ZNF385D: variants seen among roughly 807,000 people sequenced by gnomAD.
The protein encoded by ZNF385D is zinc finger protein 385D.
In ZNF385D, 15 loss-of-function variants were observed where a neutral mutation model predicts 35.8. The observed-to-expected ratio is 0.42, with a 90% CI of 0.28 to 0.64. The LOEUF (loss-of-function observed/expected upper bound fraction) is 0.64. ZNF385D is among the 30% of genes least tolerant of loss of function. The pLI is 0.23. For synonymous variants in ZNF385D, 212 were observed against 186.8 expected (o/e 1.13, Z -1.10); for missense variants, 474 against 494.6 (o/e 0.96, Z 0.39).
chr3:21,551,147 A>G (rs2062554562), intron 3 of ZNF385D, among the ~76,000 whole-genome samples: 2 of 152,206 alleles, frequency 1.3e-5, no homozygotes, highest in Admixed American at 6.5e-5. Context: ...CCTTCCAGTT[A>G]GTTCCATGAG....
chr3:22,040,774 CAG>C (rs1490455231), intron 3 of ZNF385D, among the ~76,000 whole-genome samples: 1 of 151,998 alleles, frequency 6.6e-6, no homozygotes, highest in East Asian at 1.9e-4. Flanking sequence ...CTGATAGAAT[CAG>C]AATTTCAAAT....
In ZNF385D at chr3:22,314,376, G is replaced by T. The variant is rs140605009; in HGVS notation, c.106+58074C>A. 5.3e-3 allele frequency among the ~76,000 whole-genome samples: 803 copies of T among 152,166 alleles called. 7 individuals are homozygous for T. Among genetic ancestry groups the T allele is most frequent in the Non-Finnish European group, 6.6e-3 (446 of 67,986 alleles). Reference sequence around the variant, plus strand: ...TTATGAGTGAGAACATTTGATGTTTGGTTTTCCATTCCTGAGTTACTTCAT... The same window carrying T: ...TTATGAGTGAGAACATTTGATGTTTTGTTTTCCATTCCTGAGTTACTTCAT... On this transcript the variant is annotated intron_variant, in intron 2 of 5. Coordinates refer to the ZNF385D transcript ENST00000494108.
At chr3:21,570,636 C>T (rs1048186189) in intron 2 of ZNF385D, among the ~76,000 whole-genome samples, 16 of 152,232 alleles carry the variant, frequency 1.1e-4, no homozygotes, top group Middle Eastern at 3.4e-3. Context: ...CACTTACAGG[C>T]ACTTTCTGTG....
chr3:21,750,895 CA>C lies in ZNF385D; in HGVS notation c.21del (p.Phe7LeufsTer57). The C allele has an allele frequency of 6.2e-7, 1 of 1,614,152 alleles. No homozygotes were observed. Among genetic ancestry groups the C allele is most frequent in the Non-Finnish European group, 8.5e-7 (1 of 1,180,020 alleles). Reference protein sequence around the residue: MRNIMYFGGTCQSPALP... With the variant: MRNIMYXGGTCQSPALP... ...TTACATCATCAGAGTGAACACTCACCAAAATACATTATGTTTCTCATTAATC... is the reference window on the plus strand; with the variant it reads ...TTACATCATCAGAGTGAACACTCACCAAATACATTATGTTTCTCATTAATC... On this transcript the variant is annotated frameshift_variant and splice_region_variant, in exon 1 of 8. Transcript: ENST00000281523. LOFTEE classifies it high-confidence loss of function.
intron 2 of ZNF385D, among the ~76,000 whole-genome samples, chr3:21,621,905 A>C (rs548623034): frequency 1.2e-4 from 18 of 149,856 alleles, no homozygotes; most frequent in Admixed American, 1.0e-3. Flanking sequence ...GCGTGCACGC[A>C]CGTGTGTGCT....
chr3:22,309,860 C>A (rs1210826717), intron 2 of ZNF385D, among the ~76,000 whole-genome samples: 2 of 151,854 alleles, frequency 1.3e-5, no homozygotes, highest in African/African-American at 4.8e-5. Context: ...AAAAAGGTAA[C>A]AATGGCCAGT....
At chr3:22,122,735 G>C (rs910722653) in intron 3 of ZNF385D, among the ~76,000 whole-genome samples, 1 of 152,180 alleles carries the variant, frequency 6.6e-6, no homozygotes, top group Non-Finnish European at 1.5e-5. Flanking sequence ...AAGGCCTACT[G>C]AGACGGTGAC....
At chr3:22,190,931 A>G (rs907627986) in intron 2 of ZNF385D, among the ~76,000 whole-genome samples, 16 of 152,154 alleles carry the variant, frequency 1.1e-4, no homozygotes, top group Admixed American at 2.0e-4. Context: ...AAAATCATCT[A>G]TGAAAAGTAC....
At chr3:21,903,437 C>T (rs573909201) in intron 3 of ZNF385D, among the ~76,000 whole-genome samples, 5 of 152,244 alleles carry the variant, frequency 3.3e-5, no homozygotes, top group Admixed American at 6.5e-5. Context: ...AAAAGATCTT[C>T]GGAGTCTCTG....
chr3:22,228,592 T>C (rs955500534), intron 2 of ZNF385D, among the ~76,000 whole-genome samples: 1 of 152,206 alleles, frequency 6.6e-6, no homozygotes, highest in Non-Finnish European at 1.5e-5. Context: ...AAGCACATCC[T>C]TGTCATCTGT....
In ZNF385D at chr3:22,020,872, T is replaced by A. The variant is rs549066162; in HGVS notation, c.325+147945A>T. On this transcript the variant is annotated intron_variant, in intron 3 of 5. Coordinates refer to the ZNF385D transcript ENST00000494108. ...CACAACAGCAAAGATATGGAATCAATCTAAGTGTCCATGAACAGGTCATTA... is the reference window on the plus strand; with the variant it reads ...CACAACAGCAAAGATATGGAATCAAACTAAGTGTCCATGAACAGGTCATTA... Among the ~76,000 whole-genome samples the A allele has an allele frequency of 5.3e-5, 8 of 152,070 alleles. No homozygotes were observed. The South Asian group carries it at 1.7e-3, about 31-fold the overall frequency.
At chr3:21,808,286 T>C (rs763605014) in intron 3 of ZNF385D, among the ~76,000 whole-genome samples, 6 of 152,194 alleles carry the variant, frequency 3.9e-5, no homozygotes, top group Non-Finnish European at 8.8e-5. Context: ...AAAGTCCCCT[T>C]CTAACACACA....
chr3:21,940,169 G>T (rs640225), intron 3 of ZNF385D, among the ~76,000 whole-genome samples: 111,870 of 151,976 alleles, frequency 0.74, 44,049 homozygotes, highest in East Asian at 0.98. Flanking sequence ...AACTATGACG[G>T]TGTCTACTGA....
chr3:21,548,894 A>C (rs1575152847), intron 3 of ZNF385D, among the ~76,000 whole-genome samples: 1 of 152,254 alleles, frequency 6.6e-6, no homozygotes, highest in South Asian at 2.1e-4. Context: ...AAGTCAACTA[A>C]ATATTTTGGT....
At chr3:21,669,382 C>T (rs760066533) in intron 1 of ZNF385D, among the ~76,000 whole-genome samples, 1 of 151,892 alleles carries the variant, frequency 6.6e-6, no homozygotes, top group South Asian at 2.1e-4. Context: ...GTTTCAAATG[C>T]GAACTATAGA....
intron 2 of ZNF385D, among the ~76,000 whole-genome samples, chr3:22,259,083 A>T (rs1212131450): frequency 1.3e-5 from 2 of 151,950 alleles, no homozygotes; most frequent in Non-Finnish European, 2.9e-5. Flanking sequence ...AACTATTTTA[A>T]ATTGGGCTAC....
At position 21,914,399 on chromosome 3, in the gene ZNF385D, T is replaced by G. The variant is rs1054956361; in HGVS notation, c.326-249371A>C. ...TGTTTGACTTTTTTTTTTTTTTTTT[T>G]GGTCTTATCTCTTTTTTTCAAATAT... is the stretch of plus-strand genomic sequence containing the variant. On this transcript the variant is annotated intron_variant, in intron 3 of 5. Coordinates refer to the ZNF385D transcript ENST00000494108. Among the ~76,000 whole-genome samples, 15 of 113,712 alleles carry G rather than the reference T, an allele frequency of 1.3e-4. No individual in the cohort carries two copies. In the East Asian group the frequency reaches 3.6e-3, roughly 28 times the overall value. The allele number at this position is 113,712 out of a possible 152,430, so 74.6% of individuals were successfully genotyped here.
At chr3:22,334,823 C>T (rs1229160281) in intron 2 of ZNF385D, among the ~76,000 whole-genome samples, 2 of 152,082 alleles carry the variant, frequency 1.3e-5, no homozygotes, top group Admixed American at 1.3e-4. Flanking sequence ...TATAGGACTA[C>T]TTGAATCTGT....
At chr3:21,752,961 A>G (rs1018919949), upstream of ZNF385D, among the ~76,000 whole-genome samples, 2 of 152,158 alleles carry the variant, frequency 1.3e-5, no homozygotes, top group African/African-American at 2.4e-5. Flanking sequence ...GCTAGGGGGC[A>G]CTGTAGTTTA....
Sources: gnomAD v4.1 joint callset for allele counts (sites outside exome capture counted in the v4.1 genomes callset) on GRCh38, gnomAD v4.1.1 for gene constraint, MANE v1.5 for transcripts, NCBI Gene and HGNC (gene_info 2026-07-23, HGNC 2026-07-21) for gene names.